TBC1D10A: variants seen among roughly 807,000 people sequenced by gnomAD.
The protein encoded by TBC1D10A is EBP50-PDX interactor of 64 kDa.
TBC1D10A carries 24 observed loss-of-function variants against 52.9 expected under a neutral mutation model. The ratio of observed to expected loss-of-function variants is 0.45; its 90% CI spans 0.33 to 0.64. The LOEUF (loss-of-function observed/expected upper bound fraction) is 0.64, where lower values mean the gene tolerates loss of function less well. Ranked by LOEUF, TBC1D10A falls within the 30% of genes least tolerant of loss-of-function variation. TBC1D10A has a pLI of 0.02. For synonymous variants in TBC1D10A, 278 were observed against 282.9 expected, an observed-to-expected ratio of 0.98 and a Z score of 0.17; for missense variants, 602 against 687.9, an observed-to-expected ratio of 0.88 and a Z score of 1.40.
At chr22:30,299,383 G>A (rs73168603) in intron 3 of TBC1D10A, 61 bp downstream of exon 3, 65,909 of 1,522,698 alleles carry the variant, frequency 0.043, 1,712 homozygotes, top group Non-Finnish European at 0.052. Flanking sequence ...GAGGATTGCC[G>A]CCATGGGGAG....
chr22:30,321,618 T>C (rs1168525193), intron 1 of TBC1D10A, among the ~76,000 whole-genome samples: 1 of 152,198 alleles, frequency 6.6e-6, no homozygotes, highest in African/African-American at 2.4e-5. Flanking sequence ...GATCCCTTGC[T>C]CCCATAACAG....
chr22:30,325,352 T>C (rs1478646085), intron 1 of TBC1D10A, among the ~76,000 whole-genome samples: 1 of 152,060 alleles, frequency 6.6e-6, no homozygotes, highest in Non-Finnish European at 1.5e-5. Flanking sequence ...GTGACAGGGG[T>C]TCTTAGACAG....
At chr22:30,313,453 G>A (rs1163358285) in intron 1 of TBC1D10A, among the ~76,000 whole-genome samples, 2 of 149,894 alleles carry the variant, frequency 1.3e-5, no homozygotes, top group East Asian at 2.0e-4. Context: ...GCGCAATCTC[G>A]ACTCACTGCA....
chr22:30,308,277 AGCCTGCATGCCTGCAT>A (rs796209927), intron 1 of TBC1D10A, among the ~76,000 whole-genome samples: 2 of 81,170 alleles, frequency 2.5e-5, no homozygotes, highest in Non-Finnish European at 4.5e-5. Flanking sequence ...GCCTCCACAC[AGCCTGCATGCCTGCAT>A]GCCTGCATGC....
intron 8 of TBC1D10A, 126 bp from the exon 9 acceptor site, chr22:30,292,977 AAGGATG>A: frequency 4.6e-6 from 5 of 1,078,336 alleles, no homozygotes; most frequent in Non-Finnish European, 6.8e-6. Context: ...TGACCCCAGG[AAGGATG>A]AGGGTCTAGT....
chr22:30,310,836 C>T (rs182833708), intron 1 of TBC1D10A, among the ~76,000 whole-genome samples: 1 of 152,274 alleles, frequency 6.6e-6, no homozygotes, highest in African/African-American at 2.4e-5. Context: ...TAAAGTCCCC[C>T]GCTCATACCA....
In TBC1D10A at chr22:30,292,635, C is replaced by T; in HGVS notation, c.1267G>A (p.Ala423Thr). The T allele has an allele frequency of 6.2e-7, 1 of 1,612,474 alleles. No individual in the cohort carries two copies. Among genetic ancestry groups the T allele is most frequent in the Non-Finnish European group, 8.5e-7 (1 of 1,179,214 alleles). Residue 423 changes from alanine (A) to threonine (T), a missense_variant, in exon 9 of 9, where the codon GCC becomes ACC. This residue lies in a region of TBC1D10A where 265 missense variants were observed against 275.1 expected (regional missense o/e 0.96). Transcript: ENST00000215790. ...GCCTGCTTGGGTGGCTTGGGCTTGG[C>T]TTTGGAGCCAGGGAGGGGGGCATCT... ...PLDAPLPGSKAKPKPPKQAQK... is the reference protein window; with the variant it reads ...PLDAPLPGSKTKPKPPKQAQK...
chr22:30,318,860 C>T, intron 1 of TBC1D10A: 1 of 375,212 alleles, frequency 2.7e-6, no homozygotes, highest in South Asian at 2.0e-5. Flanking sequence ...TTTTATGCAA[C>T]ACAGGAGGCC....
chr22:30,304,709 G>C, intron 1 of TBC1D10A, 79 bp from the exon 2 acceptor site: 21 of 1,558,312 alleles, frequency 1.3e-5, no homozygotes, highest in Non-Finnish European at 1.6e-5. Flanking sequence ...CGCCAGCCTG[G>C]TCAGACCTCC....
At chr22:30,304,695 C>T (rs1930275735) in intron 1 of TBC1D10A, 65 bp from the exon 2 acceptor site, 1 of 1,581,024 alleles carries the variant, frequency 6.3e-7, no homozygotes, top group Admixed American at 1.8e-5. Context: ...GCTTCATTCC[C>T]AGCCGCCAGC....
In TBC1D10A at chr22:30,292,190, T is replaced by C. The variant is rs763220736; in HGVS notation, c.*185A>G. 3.7e-6 allele frequency: 2 copies of C among 542,922 alleles called. No individual in the cohort carries two copies. The highest frequency in any genetic ancestry group is 3.0e-5 in the Admixed American group (1 of 33,802). The allele number at this position is 542,922 out of a possible 1,614,324, so 33.6% of individuals were successfully genotyped here. A position where few individuals can be genotyped will look rare whatever the true frequency, so the allele number is the denominator to read the frequency against. On this transcript the variant is annotated 3_prime_UTR_variant, in exon 9 of 9. Coordinates refer to ENST00000215790, the MANE Select transcript of TBC1D10A (RefSeq NM_031937.3). ...AGCCTGAGTGCCACTGTAAAGAAAA[T>C]AAATAAGGAGGCTCAGGCAGAATCT...
At chr22:30,323,895 C>A (rs145665231) in intron 1 of TBC1D10A, among the ~76,000 whole-genome samples, 1 of 152,104 alleles carries the variant, frequency 6.6e-6, no homozygotes, top group Non-Finnish European at 1.5e-5. Flanking sequence ...CACTTGAACC[C>A]GGGAGGCAGA....
intron 1 of TBC1D10A, among the ~76,000 whole-genome samples, chr22:30,320,550 CT>C (rs1307859846): frequency 1.3e-5 from 2 of 152,160 alleles, no homozygotes; most frequent in Non-Finnish European, 2.9e-5. Context: ...ACCTTGGGCA[CT>C]TTTTCCTCGG....
In TBC1D10A at chr22:30,299,443, C is replaced by G; in HGVS notation, c.417+1G>C. 3 of 1,613,830 alleles carry G rather than the reference C, an allele frequency of 1.9e-6. No individual in the cohort carries two copies. The highest frequency in any genetic ancestry group is 2.5e-6 in the Non-Finnish European group (3 of 1,179,754). ...GGCAGGGCAAAGGAAGGGAAACTTA[C>G]GTCAAACTTTCCAGGGTTCTGCTGT... On this transcript the variant is annotated splice_donor_variant, in intron 3 of 8. Coordinates refer to ENST00000215790, the MANE Select transcript of TBC1D10A (RefSeq NM_031937.3). LOFTEE classifies it high-confidence loss of function.
chr22:30,322,008 C>T (rs1433702097), intron 1 of TBC1D10A, among the ~76,000 whole-genome samples: 25 of 147,258 alleles, frequency 1.7e-4, no homozygotes, highest in African/African-American at 5.3e-4. Context: ...CTTTGAGACA[C>T]GGTCTGTCTC....
intron 4 of TBC1D10A, among the ~76,000 whole-genome samples, chr22:30,295,447 C>T (rs966441425): frequency 4.6e-5 from 7 of 152,314 alleles, no homozygotes; most frequent in Non-Finnish European, 8.8e-5. Context: ...CCCTGCATAC[C>T]CTCCACTCAC....
chr22:30,317,648 T>C (rs1930567402), intron 1 of TBC1D10A, among the ~76,000 whole-genome samples: 1 of 152,212 alleles, frequency 6.6e-6, no homozygotes, highest in East Asian at 1.9e-4. Flanking sequence ...GGGGTCTCGC[T>C]CTGTCACCCA....
chr22:30,309,590 G>A lies in TBC1D10A; in HGVS notation c.210-4960C>T, dbSNP rs1164492949. Among the ~76,000 whole-genome samples the A allele has an allele frequency of 2.6e-5, 4 of 152,310 alleles. No individual in the cohort carries two copies. In the East Asian group the frequency reaches 7.7e-4, roughly 29 times the overall value. The stretch of plus-strand genomic sequence containing the variant: ...GGAAAGGCTCAGAGGAGACAAAGGT[G>A]GCACCTAATCACAGATCTTGTCAGG... On this transcript the variant is annotated intron_variant, in intron 1 of 8. Transcript: ENST00000215790.
At chr22:30,320,346 A>C (rs145535917) in intron 1 of TBC1D10A, among the ~76,000 whole-genome samples, 2,700 of 151,922 alleles carry the variant, frequency 0.018, 53 homozygotes, top group South Asian at 0.028. Context: ...TCTGCCCTCC[A>C]TACTGGAAGG....
Sources: gnomAD v4.1 joint callset for allele counts (sites outside exome capture counted in the v4.1 genomes callset) on GRCh38, gnomAD v4.1.1 for gene constraint, gnomAD v4.1.1 regional missense constraint, MANE v1.5 for transcripts, NCBI Gene and HGNC (gene_info 2026-07-23, HGNC 2026-07-21) for gene names.